Variants in AGK observed in about 807,000 individuals in gnomAD.
AGK encodes acylglycerol kinase, mitochondrial.
A neutral mutation model predicts 66.4 loss-of-function variants in AGK; 52 were observed. The ratio of observed to expected loss-of-function variants is 0.78; its 90% confidence interval spans 0.63 to 0.99. AGK has a LOEUF of 0.99. AGK is among the 50% of genes least tolerant of loss of function. The probability of loss-of-function intolerance (pLI) is 0.00; values close to 1 mark genes in which losing one functional copy is unlikely to be tolerated. For synonymous variants in AGK, 182 were observed against 181.1 expected, an observed-to-expected ratio of 1.00 and a Z score of -0.04; for missense variants, 451 against 506.6, an observed-to-expected ratio of 0.89 and a Z score of 1.05.
At chr7:141,636,370 C>A (rs1185920472) in intron 10 of AGK, among the ~76,000 whole-genome samples, 4 of 151,874 alleles carry the variant, frequency 2.6e-5, no homozygotes, top group African/African-American at 9.7e-5. Context: ...CCCATTGTAT[C>A]CATAGATGTA....
intron 10 of AGK, among the ~76,000 whole-genome samples, chr7:141,635,943 A>G (rs115267950): frequency 0.012 from 1,876 of 152,328 alleles, 47 homozygotes; most frequent in African/African-American, 0.041. Flanking sequence ...CTCCGCATTC[A>G]TAGTGGGTGC....
chr7:141,576,815 G>A (rs1164481242), intron 2 of AGK, among the ~76,000 whole-genome samples: 3 of 151,860 alleles, frequency 2.0e-5, no homozygotes, highest in East Asian at 3.9e-4. Context: ...TGAGGTGGGC[G>A]GATCACAAGG....
chr7:141,631,470 A>G (rs896314032), intron 9 of AGK, among the ~76,000 whole-genome samples: 18 of 152,330 alleles, frequency 1.2e-4, no homozygotes, highest in Non-Finnish European at 1.8e-4. Context: ...ATGATCACTT[A>G]TACTTTGATA....
At chr7:141,632,642 C>G (rs1276380550) in intron 9 of AGK, among the ~76,000 whole-genome samples, 5 of 152,210 alleles carry the variant, frequency 3.3e-5, no homozygotes, top group African/African-American at 1.2e-4. Flanking sequence ...GCCCTGTTAT[C>G]TTACACACTA....
chr7:141,564,700 C>T (rs1795430544), intron 2 of AGK, among the ~76,000 whole-genome samples: 1 of 152,142 alleles, frequency 6.6e-6, no homozygotes, highest in South Asian at 2.1e-4. Context: ...TTTTCCTCCT[C>T]TGTCTCTGGC....
At chr7:141,641,778 A>G in intron 12 of AGK, 33 bp from the exon 13 acceptor site, 2 of 1,542,074 alleles carry the variant, frequency 1.3e-6, no homozygotes. Context: ...TGTTAATGGA[A>G]GAAACTGACC....
chr7:141,652,898 CAG>C lies in AGK; in HGVS notation c.1245_1246del (p.Gln415HisfsTer16), dbSNP rs1797599550. On this transcript the variant is annotated frameshift_variant, in exon 16 of 16. Transcript: ENST00000649286. LOFTEE classifies it high-confidence loss of function. ...CTTCTGTGATCCTAGGAAGAGAGAACAGATGCTCACAAGCCCCACCCAGTGAG... is the reference window on the plus strand; with the variant it reads ...CTTCTGTGATCCTAGGAAGAGAGAACATGCTCACAAGCCCCACCCAGTGAG... Reference protein sequence around the residue: ...QFFCDPRKREQMLTSPTQ With the variant: ...QFFCDPRKREXMLTSPTQ 2 of 1,614,006 alleles carry C rather than the reference CAG, an allele frequency of 1.2e-6. No individual in the cohort carries two copies. Among genetic ancestry groups the C allele is most frequent in the African/African-American group, 1.3e-5 (1 of 75,000 alleles).
At chr7:141,579,025 A>G (rs948335464) in intron 2 of AGK, among the ~76,000 whole-genome samples, 5 of 152,046 alleles carry the variant, frequency 3.3e-5, no homozygotes, top group Admixed American at 1.3e-4. Context: ...AGAATGGTGA[A>G]TAGGAGTATG....
chr7:141,579,224 CT>C (rs969025397), intron 2 of AGK, among the ~76,000 whole-genome samples: 1 of 147,806 alleles, frequency 6.8e-6, no homozygotes, highest in Non-Finnish European at 1.5e-5. Context: ...TTGTCCAGTC[CT>C]TTTTAAGTTG....
intron 2 of AGK, among the ~76,000 whole-genome samples, chr7:141,564,136 T>C (rs962189344): frequency 6.6e-6 from 1 of 152,198 alleles, no homozygotes; most frequent in Non-Finnish European, 1.5e-5. Flanking sequence ...GATTAAACCT[T>C]TTGAATAGGT....
Position 141,653,195 on chromosome 7 carries a change from G to A in AGK, c.*271G>A. On this transcript the variant is annotated 3_prime_UTR_variant, in exon 16 of 16. Coordinates refer to ENST00000649286, the MANE Select transcript of AGK (RefSeq NM_018238.4). ...CCTCAGGCTGGTTCAAGACGGAAAAGGACTTTCTTCTGTTTTCTTCCAAAG... is the reference window on the plus strand; with the variant it reads ...CCTCAGGCTGGTTCAAGACGGAAAAAGACTTTCTTCTGTTTTCTTCCAAAG... 1 of 379,944 alleles carries A rather than the reference G, an allele frequency of 2.6e-6. No individual in the cohort carries two copies. The highest frequency in any genetic ancestry group is 4.9e-6 in the Non-Finnish European group (1 of 203,294). The allele number at this position is 379,944 out of a possible 1,614,324, so 23.5% of individuals were successfully genotyped here.
intron 2 of AGK, among the ~76,000 whole-genome samples, chr7:141,568,807 C>T (rs1321128232): frequency 2.0e-5 from 3 of 152,006 alleles, no homozygotes; most frequent in Non-Finnish European, 4.4e-5. Flanking sequence ...AACTCCTAAC[C>T]TCAAGTGATC....
chr7:141,557,778 T>A (rs1373987936), intron 2 of AGK, among the ~76,000 whole-genome samples: 1 of 152,210 alleles, frequency 6.6e-6, no homozygotes, highest in Non-Finnish European at 1.5e-5. Flanking sequence ...TGTTGTCCTA[T>A]TGCTTTTCTT....
chr7:141,630,887 G>A (rs1797042129), intron 9 of AGK, among the ~76,000 whole-genome samples: 1 of 152,196 alleles, frequency 6.6e-6, no homozygotes, highest in South Asian at 2.1e-4. Flanking sequence ...AGCTTGGAGA[G>A]CATTAAGGCT....
intron 3 of AGK, 144 bp downstream of exon 3, chr7:141,593,329 G>T (rs1463711866): frequency 2.6e-6 from 2 of 767,560 alleles, no homozygotes; most frequent in Admixed American, 4.0e-5. Flanking sequence ...ATCACGCTGG[G>T]AGCCAACTCT....
chr7:141,553,122 G>T (rs1350550036), intron 1 of AGK, among the ~76,000 whole-genome samples: 2 of 152,206 alleles, frequency 1.3e-5, no homozygotes, highest in Non-Finnish European at 2.9e-5. Context: ...CATGGTGATA[G>T]CTCTCTTCCT....
At chr7:141,632,237 A>C (rs1239896560) in intron 9 of AGK, among the ~76,000 whole-genome samples, 5 of 150,844 alleles carry the variant, frequency 3.3e-5, no homozygotes, top group Admixed American at 2.0e-4. Context: ...GTCTAAAAAA[A>C]AAAAAAACAA....
intron 8 of AGK, among the ~76,000 whole-genome samples, chr7:141,617,514 G>A (rs1025522621): frequency 2.0e-5 from 3 of 152,172 alleles, no homozygotes; most frequent in African/African-American, 7.2e-5. Flanking sequence ...AAAGAACAAG[G>A]CTTTGCTTTT....
chr7:141,604,403 T>TATATATATATATATATATATAC (rs1301537652), intron 5 of AGK, among the ~76,000 whole-genome samples: 2 of 141,500 alleles, frequency 1.4e-5, no homozygotes. Context: ...TATATATATA[T>TATATATATATATATATATATAC]ACACATACAT....
Sources: allele counts gnomAD v4.1 joint callset (sites outside exome capture counted in the v4.1 genomes callset), GRCh38; gene constraint gnomAD v4.1.1; transcripts MANE v1.5; gene names NCBI Gene and HGNC (gene_info 2026-07-23, HGNC 2026-07-21).